The following ATP8B2 variants were observed in gnomAD, a reference collection of about 807,000 sequenced individuals.
The protein encoded by ATP8B2 is ATPase phospholipid transporting 8B2, also known as phospholipid-transporting ATPase ID.
ATP8B2 carries 70 observed loss-of-function variants against 133.4 expected under a neutral mutation model. That is an observed-to-expected ratio of 0.52 (90% CI 0.43 to 0.64). The LOEUF (loss-of-function observed/expected upper bound fraction) is 0.64. ATP8B2 is among the 30% of genes least tolerant of loss of function. The pLI is 0.00. For missense variants in ATP8B2, 1,101 were observed against 1,535.7 expected, an observed-to-expected ratio of 0.72 and a Z score of 4.73; for synonymous variants, 517 against 589.5, an observed-to-expected ratio of 0.88 and a Z score of 1.78.
chr1:154,342,485 G>A lies in ATP8B2; in HGVS notation c.1249G>A (p.Val417Met). 1.9e-6 allele frequency: 3 copies of A among 1,613,892 alleles called. No homozygotes were observed. Among genetic ancestry groups the A allele is most frequent in the Non-Finnish European group, 2.5e-6 (3 of 1,179,826 alleles). Residue 417 changes from valine to methionine, a missense_variant, in exon 14 of 28, where the codon GTG becomes ATG. By Grantham distance (21) the Val-to-Met change is conservative. Coordinates refer to ENST00000368489, the MANE Select transcript of ATP8B2 (RefSeq NM_001370597.1). ...TCTGCCCTGGCTGTATGTAGGTGAT[G>A]TGTTTGACGTCCTGGGACACAAAGC... Reference protein sequence around the residue: ...CSINGHSYGDVFDVLGHKAEL... With the variant: ...CSINGHSYGDMFDVLGHKAEL...
In ATP8B2 at chr1:154,342,895, C is replaced by G; in HGVS notation, c.1387C>G (p.His463Asp). 1 of 1,614,170 alleles carries G rather than the reference C, an allele frequency of 6.2e-7. No homozygotes were observed. Among genetic ancestry groups the G allele is most frequent in the Non-Finnish European group, 8.5e-7 (1 of 1,180,028 alleles). The change falls in exon 15 of 28, where the codon CAC (histidine) becomes GAC (aspartate). Residue 463 changes from histidine to aspartate, a missense_variant. Transcript: ENST00000368489. The part of the protein sequence containing the change: ...LLEAVKIGDP[H>D]THEFFRLLSL... The stretch of plus-strand genomic sequence containing the variant: ...GGAGGCTGTCAAGATCGGGGACCCC[C>G]ACACGCATGAGTTCTTCCGCCTCCT...
At chr1:154,342,386 G>GTGCC in intron 13 of ATP8B2, 94 bp from the exon 14 acceptor site, 1 of 1,277,758 alleles carries the variant, frequency 7.8e-7, no homozygotes, top group Non-Finnish European at 1.1e-6. Context: ...GAGGGGCTCA[G>GTGCC]TGCCTACGGG....
Position 154,345,909 on chromosome 1 carries a change from G to A in ATP8B2, c.2778+26G>A. On this transcript the variant is annotated intron_variant, in intron 24 of 27. Coordinates refer to ENST00000368489, the MANE Select transcript of ATP8B2 (RefSeq NM_001370597.1). The surrounding 1 kb of genome is among the most constrained non-coding windows in gnomAD (Gnocchi z 5.6). ...GTATGGGGGAGTTTGATGATCAGAT[G>A]GGATGCGGGGAAGGTCACTGCTTGA... is the stretch of plus-strand genomic sequence containing the variant. The A allele has an allele frequency of 6.4e-7, 1 of 1,568,268 alleles. No individual in the cohort carries two copies. Among genetic ancestry groups the A allele is most frequent in the East Asian group, 2.2e-5 (1 of 44,680 alleles).
intron 14 of ATP8B2, 52 bp downstream of exon 14, chr1:154,342,575 C>T: frequency 3.2e-6 from 5 of 1,562,068 alleles, no homozygotes; most frequent in Non-Finnish European, 4.4e-6. Flanking sequence ...GGTGCCTGGC[C>T]AGTAACAGTG....
chr1:154,334,634 C>T lies in ATP8B2; in HGVS notation c.837+43C>T. On this transcript the variant is annotated intron_variant, in intron 11 of 27. Transcript: ENST00000368489. This position sits in a 1 kb window ranked among gnomAD's most constrained non-coding sequence, Gnocchi z 4.6. ...TGGCTCCCTGCCCCTGCCCTCTCTT[C>T]TCCTTGGGTGCTCCTTTTCCTTTCC... 1 of 1,532,748 alleles carries T rather than the reference C, an allele frequency of 6.5e-7. No homozygotes were observed. The highest frequency in any genetic ancestry group is 9.0e-7 in the Non-Finnish European group (1 of 1,108,404). 94.9% of individuals were successfully genotyped at this position (1,532,748 alleles called of 1,614,324 possible).
intron 13 of ATP8B2, 106 bp downstream of exon 13, chr1:154,341,168 T>C: frequency 1.6e-6 from 2 of 1,218,638 alleles, no homozygotes; most frequent in Non-Finnish European, 2.4e-6. Context: ...CCTTCCTAGT[T>C]GGGTCTGAGG....
chr1:154,348,061 A>C (rs1331871385), intron 26 of ATP8B2, among the ~76,000 whole-genome samples: 1 of 152,180 alleles, frequency 6.6e-6, no homozygotes, highest in Non-Finnish European at 1.5e-5. Flanking sequence ...GAAATGAATC[A>C]AGATCCATTG....
intron 27 of ATP8B2, 110 bp downstream of exon 27, chr1:154,348,648 GC>G: frequency 6.7e-7 from 1 of 1,490,102 alleles, no homozygotes; most frequent in Non-Finnish European, 9.1e-7. Flanking sequence ...GTGTGTTGGT[GC>G]TTATCTGTTC....
chr1:154,345,191 G>A lies in ATP8B2; in HGVS notation c.2470+37G>A. 6.2e-7 allele frequency: 1 copy of A among 1,603,756 alleles called. No homozygotes were observed. Among genetic ancestry groups the A allele is most frequent in the Non-Finnish European group, 8.5e-7 (1 of 1,173,316 alleles). Reference sequence around the variant, plus strand: ...CTGTGCAGGTGTGTAGGCTGGGCTTGAGGCTGGGGAGGGGCCCACTGAGGT... The same window carrying A: ...CTGTGCAGGTGTGTAGGCTGGGCTTAAGGCTGGGGAGGGGCCCACTGAGGT... On this transcript the variant is annotated intron_variant, in intron 22 of 27. Transcript: ENST00000368489. This position sits in a 1 kb window ranked among gnomAD's most constrained non-coding sequence, Gnocchi z 5.6.
In ATP8B2 at chr1:154,345,828, T is replaced by A; in HGVS notation, c.2723T>A (p.Leu908Gln). Residue 908 changes from leucine (L) to glutamine (Q), a missense_variant, in exon 24 of 28, where the codon CTG becomes CAG. By Grantham distance (113) the Leu-to-Gln change is moderately radical. Coordinates refer to ENST00000368489, the MANE Select transcript of ATP8B2 (RefSeq NM_001370597.1). This position sits in a 1 kb window ranked among gnomAD's most constrained non-coding sequence, Gnocchi z 5.6. Reference sequence around the variant, plus strand: ...GTCTATGACCAGTATTTCATCACCCTGTATAACATCGTGTACACCTCCCTG... The same window carrying A: ...GTCTATGACCAGTATTTCATCACCCAGTATAACATCGTGTACACCTCCCTG... ...QTVYDQYFIT[L>Q]YNIVYTSLPV... The A allele has an allele frequency of 6.2e-7, 1 of 1,613,796 alleles. No homozygotes were observed. Among genetic ancestry groups the A allele is most frequent in the Non-Finnish European group, 8.5e-7 (1 of 1,179,626 alleles).
Position 154,329,142 on chromosome 1 carries a change from A to G in ATP8B2, c.31+970A>G, listed in dbSNP as rs1009448987. 4.2e-6 allele frequency: 5 copies of G among 1,192,634 alleles called. No homozygotes were observed. The African/African-American group carries it at 8.3e-5, about 20-fold the overall frequency. The allele number at this position is 1,192,634 out of a possible 1,614,324, so 73.9% of individuals were successfully genotyped here. On this transcript the variant is annotated intron_variant, in intron 2 of 27. Transcript: ENST00000368489. ...TTTCCCCCCTCCAATCCCTACATTC[A>G]CTTGTCCCCAGCCTCCCCCTACCTG... is the stretch of plus-strand genomic sequence containing the variant.
At position 154,346,204 on chromosome 1, in the gene ATP8B2, C is replaced by G. The variant is rs371418628; in HGVS notation, c.2779-27C>G. 6.2e-7 allele frequency: 1 copy of G among 1,608,710 alleles called. No individual in the cohort carries two copies. Among genetic ancestry groups the G allele is most frequent in the Admixed American group, 1.7e-5 (1 of 59,864 alleles). ...GTCAAAACGGCAACCTCTGAGGCCC[C>G]CTATGCTACATGGTCCTCCCACACA... On this transcript the variant is annotated intron_variant, in intron 24 of 27. Transcript: ENST00000368489. This position sits in a 1 kb window ranked among gnomAD's most constrained non-coding sequence, Gnocchi z 4.5.
chr1:154,346,549 A>G lies in ATP8B2; in HGVS notation c.3025-71A>G. The G allele has an allele frequency of 6.2e-7, 1 of 1,609,080 alleles. No homozygotes were observed. Among genetic ancestry groups the G allele is most frequent in the Non-Finnish European group, 8.5e-7 (1 of 1,177,086 alleles). On this transcript the variant is annotated intron_variant, in intron 25 of 27. Coordinates refer to ENST00000368489, the MANE Select transcript of ATP8B2 (RefSeq NM_001370597.1). This position sits in a 1 kb window ranked among gnomAD's most constrained non-coding sequence, Gnocchi z 4.5. Reference sequence around the variant, plus strand: ...TTCTGTCCCTGGGGCTGCCCTGGGCACCACAGTTCTGTTTCTGGGGGAAGG... The same window carrying G: ...TTCTGTCCCTGGGGCTGCCCTGGGCGCCACAGTTCTGTTTCTGGGGGAAGG...
chr1:154,338,836 A>G (rs1033144156), intron 12 of ATP8B2: 1 of 152,260 alleles, frequency 6.6e-6, no homozygotes, highest in African/African-American at 2.4e-5. Context: ...ATTCTAAAAA[A>G]AAACTAAAGA....
intron 13 of ATP8B2, 196 bp downstream of exon 13, chr1:154,341,258 G>A (rs1213933694): frequency 4.5e-6 from 3 of 661,446 alleles, no homozygotes; most frequent in South Asian, 3.4e-5. Context: ...GCTGAGGTGG[G>A]AGGATTGCTC....
chr1:154,342,976 C>T lies in ATP8B2; in HGVS notation c.1453+15C>T, dbSNP rs1157638050. 2.5e-6 allele frequency: 4 copies of T among 1,612,898 alleles called. No homozygotes were observed. Among genetic ancestry groups the T allele is most frequent in the Non-Finnish European group, 3.4e-6 (4 of 1,179,426 alleles). ...AAAGAACGAAGGTGGGCCGAGGAGC[C>T]GGCTCGCACTCTCCTGACCTGACTC... is the stretch of plus-strand genomic sequence containing the variant. On this transcript the variant is annotated intron_variant, in intron 15 of 27. Coordinates refer to ENST00000368489, the MANE Select transcript of ATP8B2 (RefSeq NM_001370597.1).
rs996080182 is a variant in ATP8B2, at chr1:154,347,896, G to A, written c.3164-512G>A. 4.7e-5 allele frequency among the ~76,000 whole-genome samples: 7 copies of A among 148,122 alleles called. No homozygotes were observed. The East Asian group carries it at 1.4e-3, about 29-fold the overall frequency. ...GTGGAGGTTGTGGTGAGCCGAGATC[G>A]CGCCATTGCACTCCAGCCTGGGCAA... On this transcript the variant is annotated intron_variant, in intron 26 of 27. Coordinates refer to ENST00000368489, the MANE Select transcript of ATP8B2 (RefSeq NM_001370597.1).
chr1:154,339,433 A>T (rs561249509), intron 12 of ATP8B2, among the ~76,000 whole-genome samples: 1 of 152,340 alleles, frequency 6.6e-6, no homozygotes, highest in African/African-American at 2.4e-5. Context: ...TTTTAAACTT[A>T]AGTGACTGTA....
At chr1:154,333,084 C>T (rs6427575) in intron 9 of ATP8B2, among the ~76,000 whole-genome samples, 23,361 of 151,946 alleles carry the variant, frequency 0.15, 2,053 homozygotes, top group African/African-American at 0.22. Flanking sequence ...CCGAGGTGGG[C>T]GGATTGCCTG....
Sources: gnomAD v4.1 joint callset for allele counts (sites outside exome capture counted in the v4.1 genomes callset) on GRCh38, gnomAD v4.1.1 for gene constraint, Gnocchi (gnomAD v3.1) non-coding constraint, MANE v1.5 for transcripts, NCBI Gene and HGNC (gene_info 2026-07-23, HGNC 2026-07-21) for gene names.